Variants in PLCH1 observed in about 807,000 individuals in gnomAD.
PLCH1 encodes 1-phosphatidylinositol 4,5-bisphosphate phosphodiesterase eta-1.
A neutral mutation model predicts 126.7 loss-of-function variants in PLCH1; 60 were observed. That is an observed-to-expected ratio of 0.47 (90% CI 0.38 to 0.59). The LOEUF (loss-of-function observed/expected upper bound fraction) is 0.59. Ranked by LOEUF, PLCH1 falls within the 20% of genes least tolerant of loss-of-function variation. The pLI is 0.00. For missense variants in PLCH1, 1,723 were observed against 2,040.0 expected, an observed-to-expected ratio of 0.84 and a Z score of 2.99; for synonymous variants, 719 against 734.9, an observed-to-expected ratio of 0.98 and a Z score of 0.35.
chr3:155,608,805 C>G (rs1029872016), intron 2 of PLCH1, among the ~76,000 whole-genome samples: 8 of 152,130 alleles, frequency 5.3e-5, no homozygotes, highest in Non-Finnish European at 8.8e-5. Context: ...GTCTTGGAAA[C>G]TTTATGGCCC....
At chr3:155,474,361 T>A (rs1298797794) in intron 21 of PLCH1, among the ~76,000 whole-genome samples, 2 of 149,956 alleles carry the variant, frequency 1.3e-5, no homozygotes, top group Non-Finnish European at 2.9e-5. Context: ...GAAATGCAAA[T>A]CAAAACCACA....
chr3:155,555,659 GTTC>G (rs1168139301), intron 8 of PLCH1, among the ~76,000 whole-genome samples: 2 of 152,168 alleles, frequency 1.3e-5, no homozygotes, highest in African/African-American at 4.8e-5. Context: ...TCACAGGCTT[GTTC>G]TTCTGGTTAG....
chr3:155,690,953 G>C (rs1208994047), intron 2 of PLCH1, among the ~76,000 whole-genome samples: 1 of 152,056 alleles, frequency 6.6e-6, no homozygotes, highest in African/African-American at 2.4e-5. Flanking sequence ...CCAACTCTTA[G>C]CCCTCACCCC....
chr3:155,474,924 T>G, downstream of PLCH1, among the ~76,000 whole-genome samples: 2 of 97,838 alleles, frequency 2.0e-5, no homozygotes, highest in East Asian at 3.4e-4. Flanking sequence ...CTGGGGACTG[T>G]GGTGGGGTGG....
At chr3:155,653,080 C>A in intron 2 of PLCH1, among the ~76,000 whole-genome samples, 2 of 151,452 alleles carry the variant, frequency 1.3e-5, no homozygotes, top group African/African-American at 4.9e-5. Context: ...ACATACATTG[C>A]TGGAAGATAT....
chr3:155,706,128 A>G (rs1207747071), intron 1 of PLCH1, among the ~76,000 whole-genome samples: 2 of 140,092 alleles, frequency 1.4e-5, no homozygotes, highest in Non-Finnish European at 3.1e-5. Context: ...GAGGTGAGAC[A>G]GCGCCACTGC....
chr3:155,497,541 G>T, intron 14 of PLCH1, 124 bp from the exon 15 acceptor site: 1 of 690,544 alleles, frequency 1.4e-6, no homozygotes, highest in Non-Finnish European at 2.5e-6. Context: ...AGGTCCTAAG[G>T]GAGCCAGGAT....
At chr3:155,477,342 T>A (rs898061890), downstream of PLCH1, among the ~76,000 whole-genome samples, 2 of 151,952 alleles carry the variant, frequency 1.3e-5, no homozygotes, top group African/African-American at 2.4e-5. Context: ...CTAGGCAAAA[T>A]TTTTTTGAGA....
At chr3:155,720,782 A>G (rs1443684346) in intron 1 of PLCH1, among the ~76,000 whole-genome samples, 1 of 152,174 alleles carries the variant, frequency 6.6e-6, no homozygotes, top group Admixed American at 6.5e-5. Context: ...GTTCTTGGTC[A>G]TGAAGTCTTT....
intron 2 of PLCH1, among the ~76,000 whole-genome samples, chr3:155,602,965 C>T (rs1013057149): frequency 3.3e-5 from 5 of 151,816 alleles, no homozygotes; most frequent in African/African-American, 1.2e-4. Context: ...CAGTAATATG[C>T]ACACTTGGTG....
intron 2 of PLCH1, among the ~76,000 whole-genome samples, chr3:155,628,717 T>C (rs1192345442): frequency 6.6e-6 from 1 of 152,184 alleles, no homozygotes; most frequent in Non-Finnish European, 1.5e-5. Flanking sequence ...AGATATCTTT[T>C]CTCTTCTACA....
At chr3:155,472,385 T>C (rs1384558280) in intron 21 of PLCH1, among the ~76,000 whole-genome samples, 2 of 152,108 alleles carry the variant, frequency 1.3e-5, no homozygotes, top group East Asian at 3.9e-4. Flanking sequence ...CAGGAAGAAG[T>C]TGAATCTCTG....
At chr3:155,527,929 AAAAAAAT>A (rs1454039243) in intron 10 of PLCH1, among the ~76,000 whole-genome samples, 1 of 151,488 alleles carries the variant, frequency 6.6e-6, no homozygotes, top group African/African-American at 2.4e-5. Flanking sequence ...CAAAAAAAAA[AAAAAAAT>A]GTTGGGGCCA....
At chr3:155,680,503 T>G (rs538251106) in intron 2 of PLCH1, among the ~76,000 whole-genome samples, 23 of 152,242 alleles carry the variant, frequency 1.5e-4, no homozygotes, top group African/African-American at 5.5e-4. Flanking sequence ...ATTGAGAGCC[T>G]CCAGTCACAC....
intron 11 of PLCH1, among the ~76,000 whole-genome samples, chr3:155,523,602 C>T (rs1021544355): frequency 6.6e-6 from 1 of 152,132 alleles, no homozygotes; most frequent in African/African-American, 2.4e-5. Context: ...AAGACAGTAA[C>T]ATTTCCAACT....
intron 21 of PLCH1, among the ~76,000 whole-genome samples, chr3:155,470,960 T>A (rs986049296): frequency 1.3e-5 from 2 of 151,920 alleles, no homozygotes; most frequent in African/African-American, 4.8e-5. Context: ...CAGTACCAGC[T>A]ACTGCAAAAT....
chr3:155,652,486 G>A (rs772164741), intron 2 of PLCH1, among the ~76,000 whole-genome samples: 4 of 151,948 alleles, frequency 2.6e-5, no homozygotes, highest in African/African-American at 9.7e-5. Flanking sequence ...GTTTTTTTGC[G>A]TGTGTGTGTG....
intron 11 of PLCH1, among the ~76,000 whole-genome samples, chr3:155,521,593 C>T (rs1721113600): frequency 6.6e-6 from 1 of 152,134 alleles, no homozygotes; most frequent in Non-Finnish European, 1.5e-5. Context: ...ATCCAAAGTA[C>T]ACCCTCTTTT....
intron 21 of PLCH1, among the ~76,000 whole-genome samples, chr3:155,486,586 G>A (rs1219432312): frequency 4.1e-5 from 6 of 145,596 alleles, no homozygotes; most frequent in South Asian, 4.4e-4. Context: ...CTGCAGTGGC[G>A]CAATCTCGGC....
Sources: allele counts gnomAD v4.1 joint callset (sites outside exome capture counted in the v4.1 genomes callset), GRCh38; gene constraint gnomAD v4.1.1; transcripts MANE v1.5; gene names NCBI Gene and HGNC (gene_info 2026-07-23, HGNC 2026-07-21).